CPAMD8: variants seen among roughly 807,000 people sequenced by gnomAD.
CPAMD8 encodes the protein C3 and PZP like alpha-2-macroglobulin domain containing 8.
CPAMD8 carries 146 observed loss-of-function variants against 224.7 expected under a neutral mutation model. That is an observed-to-expected ratio of 0.65 (90% CI 0.57 to 0.75). The LOEUF (loss-of-function observed/expected upper bound fraction) is 0.75. Among genes scored for constraint, CPAMD8 ranks in the 30% least tolerant of loss-of-function variants. CPAMD8 has a pLI of 0.00. For synonymous variants in CPAMD8, 966 were observed against 1,044.6 expected (o/e 0.92, Z 1.45); for missense variants, 2,301 against 2,537.5 (o/e 0.91, Z 2.00).
intron 6 of CPAMD8, among the ~76,000 whole-genome samples, chr19:17,009,011 G>A (rs1248217518): frequency 8.6e-5 from 13 of 151,902 alleles, no homozygotes; most frequent in Admixed American, 7.9e-4. Context: ...AAGGAGAATC[G>A]CTTGAACCCG....
chr19:16,993,516 G>T lies in CPAMD8; in HGVS notation c.1166C>A (p.Pro389Gln). Residue 389 changes from proline to glutamine, a missense_variant, in exon 12 of 42, where the codon CCA becomes CAA. Around this residue, in one of 4 missense-constraint regions of CPAMD8, gnomAD observed 301 missense variants for 406.6 expected, o/e 0.74. Coordinates refer to ENST00000443236, the MANE Select transcript of CPAMD8 (RefSeq NM_015692.5). ...TTCACTGGTGTAGATGTTATCCTTT[G>T]GTGTCAGCTCTGCCTTAATCTGGAC... Reference protein sequence around the residue: ...VTVQIKAELTPKDNIYTSEVV... With the variant: ...VTVQIKAELTQKDNIYTSEVV... The T allele has an allele frequency of 6.2e-7, 1 of 1,614,090 alleles. No homozygotes were observed.
At chr19:17,002,645 G>A (rs996116045) in intron 8 of CPAMD8, 7 of 268,052 alleles carry the variant, frequency 2.6e-5, no homozygotes, top group Non-Finnish European at 7.2e-6. Flanking sequence ...CACGAGGCCA[G>A]GAGGCTCCTC....
intron 10 of CPAMD8, among the ~76,000 whole-genome samples, chr19:16,999,606 G>C (rs1256732592): frequency 6.7e-6 from 1 of 148,764 alleles, no homozygotes; most frequent in African/African-American, 2.5e-5. Context: ...AAAAAGAAAA[G>C]AAAACCATCA....
At chr19:16,929,910 C>A (rs1161335774) in intron 23 of CPAMD8, among the ~76,000 whole-genome samples, 4 of 152,114 alleles carry the variant, frequency 2.6e-5, no homozygotes, top group African/African-American at 9.7e-5. Flanking sequence ...CAGTCAAAAT[C>A]CCAGGAGGCT....
intron 11 of CPAMD8, 64 bp from the exon 12 acceptor site, chr19:16,993,650 G>C: frequency 6.9e-7 from 1 of 1,453,496 alleles, no homozygotes; most frequent in Non-Finnish European, 9.5e-7. Flanking sequence ...CTGATCTGCA[G>C]AATCAACGCA....
intron 13 of CPAMD8, among the ~76,000 whole-genome samples, chr19:16,987,743 C>T (rs755943403): frequency 3.2e-4 from 49 of 152,138 alleles, no homozygotes; most frequent in Admixed American, 3.0e-3. Context: ...CCCAATCTCC[C>T]GGGCTCAAGT....
intron 18 of CPAMD8, among the ~76,000 whole-genome samples, 168 bp from the exon 19 acceptor site, chr19:16,958,083 G>A (rs1313569188): frequency 6.6e-6 from 1 of 151,868 alleles, no homozygotes; most frequent in African/African-American, 2.4e-5. Flanking sequence ...TCTCTTACCT[G>A]GCAGGGTTAA....
At chr19:16,998,407 C>T (rs2056203602) in intron 10 of CPAMD8, among the ~76,000 whole-genome samples, 1 of 152,284 alleles carries the variant, frequency 6.6e-6, no homozygotes, top group East Asian at 1.9e-4. Context: ...CTGCAGTGAT[C>T]CAAGATCGTG....
intron 23 of CPAMD8, among the ~76,000 whole-genome samples, chr19:16,932,903 C>A (rs896981244): frequency 4.6e-5 from 7 of 152,318 alleles, no homozygotes; most frequent in African/African-American, 1.7e-4. Context: ...TATGGTCAAA[C>A]TGTCAAAAGA....
intron 22 of CPAMD8, among the ~76,000 whole-genome samples, chr19:16,943,001 TTTC>T (rs1568505189): frequency 1.4e-5 from 2 of 141,930 alleles, no homozygotes; most frequent in Non-Finnish European, 3.0e-5. Flanking sequence ...TTTTTTCTTT[TTTC>T]TTTTTTCTTT....
At chr19:16,896,868 G>C in intron 39 of CPAMD8, 1 of 406,358 alleles carries the variant, frequency 2.5e-6, no homozygotes, top group Non-Finnish European at 4.3e-6. Flanking sequence ...TACAAAAACA[G>C]AAACAGACTT....
At chr19:16,975,469 G>A (rs1359431422) in intron 16 of CPAMD8, among the ~76,000 whole-genome samples, 1 of 152,144 alleles carries the variant, frequency 6.6e-6, no homozygotes, top group African/African-American at 2.4e-5. Flanking sequence ...TTACTGGGGA[G>A]GCTGAAACAG....
chr19:16,939,911 T>G (rs558930067), intron 22 of CPAMD8, among the ~76,000 whole-genome samples: 1 of 151,838 alleles, frequency 6.6e-6, no homozygotes, highest in African/African-American at 2.4e-5. Context: ...GTTTTTTTTG[T>G]TTTTGTTTTT....
At chr19:16,905,079 A>G (rs2052417503) in intron 30 of CPAMD8, among the ~76,000 whole-genome samples, 1 of 151,386 alleles carries the variant, frequency 6.6e-6, no homozygotes, top group Admixed American at 6.6e-5. Context: ...CATCTCTACT[A>G]AAAATACAAA....
At chr19:16,945,413 T>G in intron 22 of CPAMD8, 136 bp downstream of exon 22, 1 of 1,166,186 alleles carries the variant, frequency 8.6e-7, no homozygotes, top group Non-Finnish European at 1.2e-6. Flanking sequence ...TCCAGGCACC[T>G]GAGCTCTCAA....
intron 15 of CPAMD8, among the ~76,000 whole-genome samples, chr19:16,976,575 T>A (rs1251990928): frequency 6.6e-6 from 1 of 151,568 alleles, no homozygotes; most frequent in East Asian, 1.9e-4. Flanking sequence ...CCAAGGAGAG[T>A]GGGTCTTTGC....
At chr19:16,897,531 G>C (rs930055466) in intron 39 of CPAMD8, 160 bp downstream of exon 39, 35 of 561,832 alleles carry the variant, frequency 6.2e-5, no homozygotes, top group Admixed American at 1.0e-4. Flanking sequence ...CGCCTCCCCC[G>C]TACAGGCAGA....
At chr19:16,976,283 C>T (rs11670395) in intron 15 of CPAMD8, 132 bp from the exon 16 acceptor site, 1 of 608,402 alleles carries the variant, frequency 1.6e-6, no homozygotes, top group East Asian at 3.3e-5. Context: ...CGAGACCAGC[C>T]TGGCCAACAT....
Position 17,002,307 on chromosome 19 carries a change from G to C in CPAMD8, c.717C>G (p.Ile239Met). 1 of 1,606,544 alleles carries C rather than the reference G, an allele frequency of 6.2e-7. No individual in the cohort carries two copies. Among genetic ancestry groups the C allele is most frequent in the Middle Eastern group, 1.7e-4 (1 of 6,050 alleles). Residue 239 changes from isoleucine (I) to methionine (M), a missense_variant, in exon 9 of 42, where the codon ATC becomes ATG. Around this residue, in one of 4 missense-constraint regions of CPAMD8, gnomAD observed 283 missense variants for 340.6 expected, o/e 0.83. Coordinates refer to ENST00000443236, the MANE Select transcript of CPAMD8 (RefSeq NM_015692.5). The part of the protein sequence containing the change: ...FELLIDPPRY[I>M]QDLDACETGT... The stretch of plus-strand genomic sequence containing the variant: ...CTGTCTCACAGGCGTCCAGGTCTTG[G>C]ATATACCGGGGCGGGTCAATCAGAA...
Sources: gnomAD v4.1 joint callset for allele counts (sites outside exome capture counted in the v4.1 genomes callset) on GRCh38, gnomAD v4.1.1 for gene constraint, gnomAD v4.1.1 regional missense constraint, MANE v1.5 for transcripts, NCBI Gene and HGNC (gene_info 2026-07-23, HGNC 2026-07-21) for gene names.